Variants in MED13L observed in about 807,000 individuals in gnomAD.
MED13L encodes the protein mediator complex subunit 13L, also known as mediator of RNA polymerase II transcription subunit 13-like.
A neutral mutation model predicts 220.9 loss-of-function variants in MED13L; 7 were observed. That is an observed-to-expected ratio of 0.03 (90% CI 0.02 to 0.06). The LOEUF is 0.06. Among genes scored for constraint, MED13L ranks in the 10% least tolerant of loss-of-function variants. The pLI, the probability that MED13L is intolerant of heterozygous loss-of-function variation, is 1.00. For missense variants in MED13L, 1,965 were observed against 2,760.5 expected (o/e 0.71, Z 6.46); for synonymous variants, 1,011 against 1,015.2 (o/e 1.00, Z 0.08).
intron 2 of MED13L, among the ~76,000 whole-genome samples, chr12:116,202,601 A>C (rs148397503): frequency 6.6e-6 from 1 of 152,264 alleles, no homozygotes; most frequent in East Asian, 1.9e-4. Flanking sequence ...TTCTAACTGC[A>C]TCACCACCAA....
intron 2 of MED13L, among the ~76,000 whole-genome samples, chr12:116,234,330 C>G (rs140307171): frequency 1.3e-5 from 2 of 151,898 alleles, no homozygotes; most frequent in East Asian, 1.9e-4. Flanking sequence ...CGGTTTCCAG[C>G]GACTGTCCTG....
chr12:115,997,233 A>G lies in MED13L; in HGVS notation c.2570-3T>C. ...CATCCTTTGCAAGTCTGCAACTGCT[A>G]AAAATAAGAAATAAAAAAAATTTGT... On this transcript the variant is annotated splice_polypyrimidine_tract_variant and splice_region_variant and intron_variant, in intron 14 of 30. Coordinates refer to ENST00000281928, the MANE Select transcript of MED13L (RefSeq NM_015335.5). 6.2e-7 allele frequency: 1 copy of G among 1,613,430 alleles called. No homozygotes were observed. Among genetic ancestry groups the G allele is most frequent in the Middle Eastern group, 1.7e-4 (1 of 6,054 alleles).
chr12:116,088,769 C>A, intron 4 of MED13L, among the ~76,000 whole-genome samples: 1 of 150,006 alleles, frequency 6.7e-6, no homozygotes, highest in Non-Finnish European at 1.5e-5. Flanking sequence ...GACCAAAATT[C>A]AGCCAAAATT....
chr12:116,113,812 G>A (rs1483531196), intron 2 of MED13L, among the ~76,000 whole-genome samples: 14 of 61,926 alleles, frequency 2.3e-4, no homozygotes, highest in African/African-American at 7.9e-4. Context: ...GGGGAGGGAG[G>A]GGGGAAGAGG....
intron 2 of MED13L, among the ~76,000 whole-genome samples, chr12:116,206,785 G>A (rs1490538628): frequency 1.3e-5 from 2 of 152,154 alleles, no homozygotes; most frequent in African/African-American, 2.4e-5. Flanking sequence ...AGAGTTCACT[G>A]TTTACAAGTT....
chr12:116,249,528 G>T (rs1369056437), intron 1 of MED13L, among the ~76,000 whole-genome samples: 1 of 151,598 alleles, frequency 6.6e-6, no homozygotes, highest in East Asian at 1.9e-4. Flanking sequence ...AACAGAAACA[G>T]ACCCAGAAAT....
intron 2 of MED13L, among the ~76,000 whole-genome samples, chr12:116,193,147 C>CA (rs956250950): frequency 3.8e-4 from 57 of 151,026 alleles, no homozygotes; most frequent in Middle Eastern, 3.4e-3. Context: ...ACAACAACAA[C>CA]AAAAAAAACA....
intron 23 of MED13L, among the ~76,000 whole-genome samples, chr12:115,978,250 T>C (rs1877082548): frequency 6.6e-6 from 1 of 152,080 alleles, no homozygotes; most frequent in Admixed American, 6.6e-5. Flanking sequence ...ATGAAAATGT[T>C]CTAAAATTAG....
chr12:116,026,763 C>A (rs752243658), intron 4 of MED13L, among the ~76,000 whole-genome samples: 5 of 152,140 alleles, frequency 3.3e-5, no homozygotes, highest in Non-Finnish European at 7.4e-5. Context: ...CCCCTGTGAC[C>A]TAGCAACAGC....
intron 2 of MED13L, among the ~76,000 whole-genome samples, chr12:116,212,552 T>C (rs1314614378): frequency 6.6e-6 from 1 of 152,112 alleles, no homozygotes; most frequent in Non-Finnish European, 1.5e-5. Context: ...CAATTACAGA[T>C]AGTTAAAATT....
At chr12:115,997,721 C>T in intron 14 of MED13L, among the ~76,000 whole-genome samples, 1 of 152,202 alleles carries the variant, frequency 6.6e-6, no homozygotes, top group Middle Eastern at 3.2e-3. Flanking sequence ...TGTGCCTGGA[C>T]TTTTCTTGGT....
At chr12:116,230,487 G>A in intron 2 of MED13L, 1 of 984,456 alleles carries the variant, frequency 1.0e-6, no homozygotes, top group Non-Finnish European at 1.2e-6. Flanking sequence ...CAATGCTGCT[G>A]CAAAATGGTA....
Position 116,019,846 on chromosome 12 carries a change from T to C in MED13L, c.752A>G (p.Glu251Gly), listed in dbSNP as rs28940309. 6.8e-6 allele frequency: 11 copies of C among 1,614,020 alleles called. No individual in the cohort carries two copies. Among genetic ancestry groups the C allele is most frequent in the Non-Finnish European group, 8.5e-6 (10 of 1,179,958 alleles). Residue 251 changes from glutamate to glycine, a missense_variant, in exon 6 of 31, where the codon GAA becomes GGA. Glu to Gly is a moderately conservative substitution (Grantham distance 98, BLOSUM62 -2). Transcript: ENST00000281928. ...YFYPMVLKKK[E>G]ESKEEDELGY... Reference sequence around the variant, plus strand: ...CAACTCGTCTTCCTCTTTCGATTCTTCTTTCTTTTTTAGCACCATCGGGTA... The same window carrying C: ...CAACTCGTCTTCCTCTTTCGATTCTCCTTTCTTTTTTAGCACCATCGGGTA...
chr12:116,246,877 GAGGGAGGT>G (rs1871145896), intron 1 of MED13L, among the ~76,000 whole-genome samples: 1 of 97,500 alleles, frequency 1.0e-5, no homozygotes, highest in East Asian at 3.6e-4. Flanking sequence ...GAGAGGAGGG[GAGGGAGGT>G]GGGGAGGTGG....
At chr12:116,075,073 A>G (rs1056699921) in intron 4 of MED13L, among the ~76,000 whole-genome samples, 4 of 152,350 alleles carry the variant, frequency 2.6e-5, no homozygotes, top group African/African-American at 9.6e-5. Flanking sequence ...CCCAGAGGCT[A>G]AAAAAATGAA....
chr12:116,129,616 TG>T (rs1308387004), intron 2 of MED13L, among the ~76,000 whole-genome samples: 1 of 150,378 alleles, frequency 6.6e-6, no homozygotes, highest in Non-Finnish European at 1.5e-5. Context: ...AAGATAGAAA[TG>T]ATCAGCACAG....
At position 115,997,159 on chromosome 12, in the gene MED13L, T is replaced by A; in HGVS notation, c.2641A>T (p.Met881Leu). Residue 881 changes from methionine to leucine, a missense_variant, in exon 15 of 31, where the codon ATG (methionine) becomes TTG (leucine). This residue lies in a region of MED13L where 233 missense variants were observed against 306.2 expected (regional missense o/e 0.76). Transcript: ENST00000281928. ...GAGCTGATCCCATCTTTATAATTCA[T>A]CACAGGAGAAAATGCAGGATGCTGT... ...LEQHPAFSPVMNYKDGISSET... is the reference protein window; with the variant it reads ...LEQHPAFSPVLNYKDGISSET... 1.9e-6 allele frequency: 3 copies of A among 1,614,118 alleles called. No homozygotes were observed. Among genetic ancestry groups the A allele is most frequent in the Non-Finnish European group, 2.5e-6 (3 of 1,179,998 alleles).
chr12:116,051,606 C>G (rs886567691), intron 4 of MED13L, among the ~76,000 whole-genome samples: 5 of 152,138 alleles, frequency 3.3e-5, no homozygotes, highest in African/African-American at 1.2e-4. Flanking sequence ...TATCTGCATA[C>G]ACATAATAAG....
intron 14 of MED13L, among the ~76,000 whole-genome samples, chr12:115,999,127 T>A (rs1356608628): frequency 6.6e-6 from 1 of 152,140 alleles, no homozygotes; most frequent in East Asian, 1.9e-4. Flanking sequence ...TAGTCTACAC[T>A]GGAGGCCGGG....
Sources: gnomAD v4.1 joint callset for allele counts (sites outside exome capture counted in the v4.1 genomes callset) on GRCh38, gnomAD v4.1.1 for gene constraint, gnomAD v4.1.1 regional missense constraint, MANE v1.5 for transcripts, NCBI Gene and HGNC (gene_info 2026-07-23, HGNC 2026-07-21) for gene names.